DOCK3: variants seen among roughly 807,000 people sequenced by gnomAD.
The protein encoded by DOCK3 is dedicator of cytokinesis protein 3.
Under a neutral mutation model 265.6 loss-of-function variants are expected in DOCK3, and 60 were observed. The ratio of observed to expected loss-of-function variants is 0.23; its 90% CI spans 0.18 to 0.28. The LOEUF (loss-of-function observed/expected upper bound fraction) is 0.28. Ranked by LOEUF, DOCK3 falls within the 10% of genes least tolerant of loss-of-function variation. The probability of loss-of-function intolerance (pLI) is 1.00; values close to 1 mark genes in which losing one functional copy is unlikely to be tolerated. For missense variants in DOCK3, 1,981 were observed against 2,594.3 expected (o/e 0.76, Z 5.14); for synonymous variants, 881 against 938.0 (o/e 0.94, Z 1.11).
chr3:51,009,132 A>G (rs1470446296), intron 5 of DOCK3, among the ~76,000 whole-genome samples: 1 of 152,180 alleles, frequency 6.6e-6, no homozygotes, highest in Non-Finnish European at 1.5e-5. Context: ...CTGGCCTCAT[A>G]AAATGACTTA....
At chr3:51,137,508 T>C (rs2084859457) in intron 9 of DOCK3, among the ~76,000 whole-genome samples, 1 of 152,220 alleles carries the variant, frequency 6.6e-6, no homozygotes, top group Non-Finnish European at 1.5e-5. Context: ...GGGCATGGGC[T>C]GATACCTCAT....
chr3:50,941,163 A>G (rs959154755), intron 5 of DOCK3, among the ~76,000 whole-genome samples: 1 of 152,130 alleles, frequency 6.6e-6, no homozygotes, highest in African/African-American at 2.4e-5. Flanking sequence ...AATATTTGAA[A>G]ATTATATATC....
At chr3:51,297,805 A>C (rs1053220646) in intron 27 of DOCK3, among the ~76,000 whole-genome samples, 25 of 151,652 alleles carry the variant, frequency 1.6e-4, no homozygotes, top group Non-Finnish European at 7.4e-5. Context: ...TTTTTTTTTA[A>C]TTAGTTGAGT....
intron 1 of DOCK3, among the ~76,000 whole-genome samples, chr3:50,760,706 A>G (rs910665467): frequency 8.5e-5 from 13 of 152,212 alleles, no homozygotes; most frequent in African/African-American, 3.1e-4. Flanking sequence ...TTGTTAGTCG[A>G]GGAGCATCTG....
intron 9 of DOCK3, among the ~76,000 whole-genome samples, chr3:51,127,394 A>C (rs140455716): frequency 5.9e-5 from 9 of 152,332 alleles, no homozygotes; most frequent in African/African-American, 1.4e-4. Flanking sequence ...ATCTCCTGAG[A>C]TCATACATAA....
intron 27 of DOCK3, among the ~76,000 whole-genome samples, chr3:51,281,274 A>AATATATATATATATATATATATAT (rs56084027): frequency 4.7e-4 from 59 of 125,662 alleles, no homozygotes; most frequent in African/African-American, 1.7e-3. Context: ...GATGAGCTAA[A>AATATATATATATATATATATATAT]ATATATATAT....
chr3:51,170,470 G>T (rs777132956), intron 12 of DOCK3, among the ~76,000 whole-genome samples: 1 of 151,916 alleles, frequency 6.6e-6, no homozygotes, highest in East Asian at 1.9e-4. Context: ...ATCTTGGTAA[G>T]TTGTATGTTT....
chr3:51,061,740 C>A lies in DOCK3; in HGVS notation c.316-2708C>A, dbSNP rs141557120. On this transcript the variant is annotated intron_variant, in intron 5 of 52. Coordinates refer to ENST00000266037, the MANE Select transcript of DOCK3 (RefSeq NM_004947.5). ...AAAAAAAAGCCATGAAAAGAAAAAT[C>A]CAGTTTTCATTTGGCTTTCATGACA... Among the ~76,000 whole-genome samples, 617 of 151,992 alleles carry A rather than the reference C, an allele frequency of 4.1e-3. 1 individual carries two copies. Among genetic ancestry groups the A allele is most frequent in the Non-Finnish European group, 6.4e-3 (434 of 67,928 alleles).
chr3:50,723,492 G>A (rs370724174), intron 1 of DOCK3, among the ~76,000 whole-genome samples: 13 of 152,000 alleles, frequency 8.6e-5, no homozygotes, highest in African/African-American at 2.6e-4. Context: ...CCAACATCGC[G>A]AAACCTCGTA....
chr3:51,210,669 C>T (rs1055869262), intron 13 of DOCK3, among the ~76,000 whole-genome samples: 2 of 152,068 alleles, frequency 1.3e-5, no homozygotes, highest in African/African-American at 4.8e-5. Flanking sequence ...ATAGATTGCT[C>T]AAGGAATATT....
intron 3 of DOCK3, among the ~76,000 whole-genome samples, chr3:50,884,756 A>G (rs1326343195): frequency 6.6e-6 from 1 of 151,866 alleles, no homozygotes; most frequent in East Asian, 1.9e-4. Context: ...TTTTTTTTTA[A>G]AGAGTTTTAG....
chr3:51,336,257 C>T lies in DOCK3; in HGVS notation c.3612-2102C>T, dbSNP rs544712308. Among the ~76,000 whole-genome samples the T allele has an allele frequency of 1.0e-3, 154 of 152,150 alleles. 1 individual carries two copies. Among genetic ancestry groups the T allele is most frequent in the African/African-American group, 3.5e-3 (147 of 41,512 alleles). ...CTTTAACTTTTGTGTGAATCTCAGA[C>T]ACTCTGTGTCAGACATGAAGATTCT... is the stretch of plus-strand genomic sequence containing the variant. On this transcript the variant is annotated intron_variant, in intron 35 of 52. Transcript: ENST00000266037.
chr3:51,299,951 A>T (rs1013711320), intron 27 of DOCK3, among the ~76,000 whole-genome samples: 4 of 152,210 alleles, frequency 2.6e-5, no homozygotes, highest in Admixed American at 6.5e-5. Context: ...TCTGTGAAGA[A>T]TGTCAATGGT....
intron 2 of DOCK3, among the ~76,000 whole-genome samples, chr3:50,837,715 G>T (rs2219431): frequency 0.099 from 15,080 of 152,184 alleles, 927 homozygotes; most frequent in Non-Finnish European, 0.13. Context: ...TTTCTGAGAA[G>T]ATAACATTTG....
At chr3:50,692,901 A>C (rs752408180) in intron 1 of DOCK3, among the ~76,000 whole-genome samples, 4 of 152,102 alleles carry the variant, frequency 2.6e-5, no homozygotes, top group Non-Finnish European at 5.9e-5. Flanking sequence ...ATTTTGAGTC[A>C]ATTTTCGTAT....
intron 22 of DOCK3, among the ~76,000 whole-genome samples, chr3:51,254,014 A>G (rs1412182155): frequency 1.3e-5 from 2 of 152,104 alleles, no homozygotes; most frequent in Non-Finnish European, 2.9e-5. Flanking sequence ...GGTGCTATAA[A>G]TTTCCCTCTG....
At chr3:51,380,377 T>C (rs1405362201) in intron 52 of DOCK3, among the ~76,000 whole-genome samples, 170 bp downstream of exon 52, 1 of 152,146 alleles carries the variant, frequency 6.6e-6, no homozygotes, top group Middle Eastern at 3.2e-3. Context: ...CAGGTGCACA[T>C]TTGTGTCCTG....
At position 51,094,781 on chromosome 3, in the gene DOCK3, A is replaced by C. The variant is rs1456095657; in HGVS notation, c.746+4397A>C. Among the ~76,000 whole-genome samples the C allele has an allele frequency of 7.3e-5, 11 of 151,482 alleles. No individual in the cohort carries two copies. In the East Asian group the frequency reaches 1.4e-3, roughly 19 times the overall value. ...AGGGCATAGATTTTAGATATCTCCC[A>C]CTATTATTGTGTGGGAGTCTAAGTC... On this transcript the variant is annotated intron_variant, in intron 9 of 52. Transcript: ENST00000266037.
chr3:51,205,087 A>C (rs983974108), intron 12 of DOCK3, among the ~76,000 whole-genome samples: 1 of 152,180 alleles, frequency 6.6e-6, no homozygotes, highest in Admixed American at 6.5e-5. Context: ...TAGTGGGTGC[A>C]GCGCACCAGC....
Sources: gnomAD v4.1 joint callset for allele counts (sites outside exome capture counted in the v4.1 genomes callset) on GRCh38, gnomAD v4.1.1 for gene constraint, MANE v1.5 for transcripts, NCBI Gene and HGNC (gene_info 2026-07-23, HGNC 2026-07-21) for gene names.